The following CYP3A4 variants were observed in gnomAD, a reference collection of about 807,000 sequenced individuals.
CYP3A4 encodes cytochrome P450 3A4.
In CYP3A4, 41 loss-of-function variants were observed where a neutral mutation model predicts 54.9. That is an observed-to-expected ratio of 0.75 (90% CI 0.58 to 0.97). The LOEUF is 0.97. Among genes scored for constraint, CYP3A4 ranks in the 50% least tolerant of loss-of-function variants. The pLI is 0.00. For missense variants in CYP3A4, 510 were observed against 597.3 expected, an observed-to-expected ratio of 0.85 and a Z score of 1.52; for synonymous variants, 179 against 205.2, an observed-to-expected ratio of 0.87 and a Z score of 1.09.
chr7:99,782,274 G>A (rs969757868), intron 1 of CYP3A4, among the ~76,000 whole-genome samples: 8 of 152,228 alleles, frequency 5.3e-5, no homozygotes, highest in African/African-American at 1.4e-4. Context: ...ACATGGTTCC[G>A]TGTCAAGGCA....
intron 1 of CYP3A4, among the ~76,000 whole-genome samples, chr7:99,781,201 T>C (rs1815916257): frequency 6.6e-6 from 1 of 152,184 alleles, no homozygotes; most frequent in African/African-American, 2.4e-5. Context: ...TGCTTCTCCT[T>C]CACCTTCTGC....
chr7:99,763,720 C>T (rs1815399914), intron 10 of CYP3A4, 135 bp downstream of exon 10: 1 of 1,250,082 alleles, frequency 8.0e-7, no homozygotes, highest in Admixed American at 2.9e-5. Flanking sequence ...TTTTTCTTTT[C>T]AGAGCCTTCC....
chr7:99,763,597 G>A (rs552190805), intron 10 of CYP3A4, among the ~76,000 whole-genome samples: 1 of 152,274 alleles, frequency 6.6e-6, no homozygotes, highest in East Asian at 1.9e-4. Flanking sequence ...GAGGTTTTTG[G>A]AGGTTTTTTA....
At chr7:99,761,926 T>G in intron 11 of CYP3A4, 115 bp downstream of exon 11, 5 of 988,990 alleles carry the variant, frequency 5.1e-6, no homozygotes, top group Non-Finnish European at 7.7e-6. Context: ...TCTCTAAATA[T>G]AAAAATACAA....
intron 10 of CYP3A4, among the ~76,000 whole-genome samples, 154 bp from the exon 11 acceptor site, chr7:99,762,421 C>T (rs1815362659): frequency 6.6e-6 from 1 of 151,976 alleles, no homozygotes; most frequent in African/African-American, 2.4e-5. Flanking sequence ...AACTGTCATG[C>T]CCATTGCTGT....
At chr7:99,774,844 CA>C (rs1815720159) in intron 3 of CYP3A4, among the ~76,000 whole-genome samples, 2 of 152,110 alleles carry the variant, frequency 1.3e-5, no homozygotes, top group Admixed American at 1.3e-4. Flanking sequence ...CTGAATAGGG[CA>C]ATCAGGCAAG....
chr7:99,759,090 G>A (rs1018963084), intron 12 of CYP3A4, among the ~76,000 whole-genome samples: 1 of 152,158 alleles, frequency 6.6e-6, no homozygotes, highest in Non-Finnish European at 1.5e-5. Flanking sequence ...TTTATTCAGG[G>A]CTGAGTCCCC....
In CYP3A4 at chr7:99,770,165, C is replaced by G. The variant is rs72552799; in HGVS notation, c.389G>C (p.Arg130Pro). The G allele has an allele frequency of 6.2e-7, 1 of 1,613,592 alleles. No homozygotes were observed. The highest frequency in any genetic ancestry group is 8.5e-7 in the Non-Finnish European group (1 of 1,179,776). ...GGTGAAGGTTGGAGACAGCAATGAT[C>G]GTAATCTCTTCCATTCTTCATCCTC... Reference protein sequence around the residue: ...IAEDEEWKRLRSLLSPTFTSG... With the variant: ...IAEDEEWKRLPSLLSPTFTSG... The change falls in exon 5 of 13, where the codon CGA becomes CCA. Residue 130 changes from arginine (R) to proline (P), a missense_variant. Arg to Pro is a moderately radical substitution (Grantham distance 103). This residue lies in a region of CYP3A4 where 272 missense variants were observed against 274.9 expected (regional missense o/e 0.99). Transcript: ENST00000651514.
chr7:99,773,511 G>T (rs1192861269), intron 3 of CYP3A4, among the ~76,000 whole-genome samples: 2 of 152,150 alleles, frequency 1.3e-5, no homozygotes, highest in African/African-American at 2.4e-5. Context: ...AGACCACAGT[G>T]AAATCAAATT....
intron 12 of CYP3A4, among the ~76,000 whole-genome samples, chr7:99,758,876 C>T (rs911867049): frequency 6.6e-6 from 1 of 152,144 alleles, no homozygotes; most frequent in Non-Finnish European, 1.5e-5. Flanking sequence ...AAGTGGGGAA[C>T]CTCTCAATTC....
intron 3 of CYP3A4, among the ~76,000 whole-genome samples, chr7:99,776,369 C>G (rs531607406): frequency 2.0e-5 from 3 of 152,130 alleles, no homozygotes; most frequent in African/African-American, 7.2e-5. Context: ...ATAAATCATT[C>G]TATGATAAAG....
At position 99,762,161 on chromosome 7, in the gene CYP3A4, T is replaced by C; in HGVS notation, c.1133A>G (p.Lys378Arg). Residue 378 changes from lysine (K) to arginine (R), a missense_variant, in exon 11 of 13, where the codon AAA becomes AGA. By Grantham distance (26) the Lys-to-Arg change is conservative (BLOSUM62 2). Around this residue, in one of 2 missense-constraint regions of CYP3A4, gnomAD observed 238 missense variants for 322.5 expected, o/e 0.74. Transcript: ENST00000651514. ...CATCCCATTGATCTCAACATCTTTT[T>C]TGCAGACCCTCTCAAGTCTCATAGC... ...PIAMRLERVC[K>R]KDVEINGMFI... The C allele has an allele frequency of 6.2e-6, 10 of 1,614,078 alleles. No individual in the cohort carries two copies. The highest frequency in any genetic ancestry group is 8.5e-6 in the Non-Finnish European group (10 of 1,180,000).
At chr7:99,763,779 C>G (rs1446448388) in intron 10 of CYP3A4, 76 bp downstream of exon 10, 10 of 1,545,414 alleles carry the variant, frequency 6.5e-6, no homozygotes, top group Non-Finnish European at 8.8e-6. Flanking sequence ...TATAAAAATT[C>G]TCCTGGGAAG....
chr7:99,769,500 T>G, intron 6 of CYP3A4: 1 of 456,418 alleles, frequency 2.2e-6, no homozygotes, highest in Non-Finnish European at 4.0e-6. Context: ...CTAAAGGATA[T>G]ATTTAGTCTT....
At chr7:99,761,916 T>TC in intron 11 of CYP3A4, 125 bp downstream of exon 11, 1 of 918,350 alleles carries the variant, frequency 1.1e-6, no homozygotes. Flanking sequence ...ATTAAAAAAA[T>TC]CTCTAAATAT....
At chr7:99,770,289 G>C (rs1815596917) in intron 4 of CYP3A4, 54 bp from the exon 5 acceptor site, 2 of 1,484,114 alleles carry the variant, frequency 1.3e-6, no homozygotes, top group East Asian at 4.5e-5. Context: ...AGGTCTCCAT[G>C]GTTGTAGAAA....
chr7:99,762,368 C>T (rs1815361048), intron 10 of CYP3A4, 101 bp from the exon 11 acceptor site: 2 of 1,421,786 alleles, frequency 1.4e-6, no homozygotes, highest in Non-Finnish European at 1.9e-6. Flanking sequence ...CAGAGACTAA[C>T]TCATACTGGT....
intron 6 of CYP3A4, among the ~76,000 whole-genome samples, chr7:99,769,110 A>G (rs956616530): frequency 4.0e-5 from 6 of 151,558 alleles, no homozygotes; most frequent in Non-Finnish European, 8.8e-5. Context: ...TGTCCTGGTT[A>G]AAAAAAAATC....
intron 6 of CYP3A4, among the ~76,000 whole-genome samples, chr7:99,768,947 A>G (rs1377894975): frequency 6.6e-6 from 1 of 152,122 alleles, no homozygotes; most frequent in Non-Finnish European, 1.5e-5. Flanking sequence ...GCACTTTACA[A>G]AGCAACAGTA....
Sources: gnomAD v4.1 joint callset for allele counts (sites outside exome capture counted in the v4.1 genomes callset) on GRCh38, gnomAD v4.1.1 for gene constraint, gnomAD v4.1.1 regional missense constraint, MANE v1.5 for transcripts, NCBI Gene and HGNC (gene_info 2026-07-23, HGNC 2026-07-21) for gene names.